Variants in UTRN observed in about 807,000 individuals in gnomAD.
UTRN encodes the protein dystrophin-related protein 1.
In UTRN, 283 loss-of-function variants were observed where a neutral mutation model predicts 463.9. The observed-to-expected ratio is 0.61, with a 90% CI of 0.55 to 0.67. The LOEUF (loss-of-function observed/expected upper bound fraction) is 0.67, where lower values mean the gene tolerates loss of function less well. Ranked by LOEUF, UTRN falls within the 30% of genes least tolerant of loss-of-function variation. The probability of loss-of-function intolerance (pLI) is 0.00; values close to 1 mark genes in which losing one functional copy is unlikely to be tolerated. For missense variants in UTRN, 3,922 were observed against 4,084.3 expected, an observed-to-expected ratio of 0.96 and a Z score of 1.08; for synonymous variants, 1,442 against 1,431.5, an observed-to-expected ratio of 1.01 and a Z score of -0.17.
Position 144,406,341 on chromosome 6 carries a change from C to CT in UTRN, c.141+3166dup, listed in dbSNP as rs1169682128. On this transcript the variant is annotated intron_variant, in intron 3 of 74. Transcript: ENST00000367545. ...GCTCCACCTTCTCCATCTCCCTTTC[C>CT]TTTTTTTTTCTTTTCTTTTTTTTTT... Among the ~76,000 whole-genome samples the CT allele has an allele frequency of 9.8e-5, 13 of 132,106 alleles. No homozygotes were observed. The South Asian group carries it at 1.0e-3, about 11-fold the overall frequency. The allele number at this position is 132,106 out of a possible 152,430, so 86.7% of individuals were successfully genotyped here. A position where few individuals can be genotyped will look rare whatever the true frequency, so the allele number is the denominator to read the frequency against.
chr6:144,831,269 TAGAG>T (rs1435751970), intron 69 of UTRN, among the ~76,000 whole-genome samples: 2 of 152,074 alleles, frequency 1.3e-5, no homozygotes, highest in African/African-American at 2.4e-5. Flanking sequence ...GACCTTGAAA[TAGAG>T]AGATTATCCT....
chr6:144,369,715 G>T (rs1390512694), intron 2 of UTRN, among the ~76,000 whole-genome samples: 1 of 152,226 alleles, frequency 6.6e-6, no homozygotes, highest in Non-Finnish European at 1.5e-5. Flanking sequence ...ATCTTGAATT[G>T]TATCTCCCAT....
chr6:144,625,439 T>C (rs1269489010), intron 51 of UTRN, among the ~76,000 whole-genome samples: 2 of 152,228 alleles, frequency 1.3e-5, no homozygotes, highest in Non-Finnish European at 2.9e-5. Context: ...GCATATTTGA[T>C]TCCTTAACTT....
Position 144,523,138 on chromosome 6 carries a change from G to C in UTRN, c.5856G>C (p.Gln1952His), listed in dbSNP as rs768278380. The C allele has an allele frequency of 1.3e-5, 21 of 1,612,768 alleles. No individual in the cohort carries two copies. Among genetic ancestry groups the C allele is most frequent in the Middle Eastern group, 1.6e-4 (1 of 6,062 alleles). The change falls in exon 41 of 75, where the codon CAG (glutamine) becomes CAC (histidine). Residue 1952 changes from glutamine (Q) to histidine (H), a missense_variant. Coordinates refer to ENST00000367545, the MANE Select transcript of UTRN (RefSeq NM_007124.3). ...TTCAGATCAGAGATACACTTACTCA[G>C]CTGAATGCAAAATGGGACAGAATTA... The part of the protein sequence containing the change: ...EAIQIRDTLT[Q>H]LNAKWDRINR...
At chr6:144,468,996 G>A (rs1006763701) in intron 23 of UTRN, among the ~76,000 whole-genome samples, 2 of 152,126 alleles carry the variant, frequency 1.3e-5, no homozygotes, top group African/African-American at 2.4e-5. Flanking sequence ...CTTCCCGCGC[G>A]GTGTGCCACG....
At chr6:144,637,195 C>G (rs897297913) in intron 51 of UTRN, among the ~76,000 whole-genome samples, 1 of 152,130 alleles carries the variant, frequency 6.6e-6, no homozygotes, top group Non-Finnish European at 1.5e-5. Context: ...CTCCCAAACT[C>G]CTGAGCTCAA....
chr6:144,407,266 A>G (rs755626023), intron 3 of UTRN, among the ~76,000 whole-genome samples: 1 of 152,196 alleles, frequency 6.6e-6, no homozygotes, highest in Non-Finnish European at 1.5e-5. Flanking sequence ...GGCTTAATAA[A>G]TAAATGAATG....
chr6:144,696,654 A>G (rs1784034647), intron 52 of UTRN, among the ~76,000 whole-genome samples: 1 of 152,132 alleles, frequency 6.6e-6, no homozygotes, highest in Non-Finnish European at 1.5e-5. Context: ...TGGAGATTTT[A>G]CCATAAACCA....
At chr6:144,343,411 AT>A (rs1777305406) in intron 2 of UTRN, among the ~76,000 whole-genome samples, 1 of 126,112 alleles carries the variant, frequency 7.9e-6, no homozygotes, top group East Asian at 2.2e-4. Flanking sequence ...CACACACACA[AT>A]AGCCGGGCAT....
In UTRN at chr6:144,531,140, C is replaced by A; in HGVS notation, c.5995C>A (p.Leu1999Met). 6.2e-7 allele frequency: 1 copy of A among 1,613,988 alleles called. No homozygotes were observed. Among genetic ancestry groups the A allele is most frequent in the Non-Finnish European group, 8.5e-7 (1 of 1,179,968 alleles). Reference protein sequence around the residue: ...TQWITEAEELLVDTCAPGGSL... With the variant: ...TQWITEAEELMVDTCAPGGSL... ...GTGGATAACAGAGGCTGAAGAATTA[C>A]TGGTTGATACCTGTGCTCCAGGTGG... is the stretch of plus-strand genomic sequence containing the variant. The change falls in exon 42 of 75, where the codon CTG becomes ATG. Residue 1999 changes from leucine (L) to methionine (M), a missense_variant. Leu to Met is a conservative substitution (Grantham distance 15, BLOSUM62 2). Transcript: ENST00000367545.
intron 51 of UTRN, among the ~76,000 whole-genome samples, chr6:144,635,191 C>T (rs2128657391): frequency 6.8e-6 from 1 of 147,650 alleles, no homozygotes; most frequent in South Asian, 2.1e-4. Flanking sequence ...ACTGTGTCAC[C>T]CAGGCTAGAG....
At chr6:144,307,907 G>T (rs1164352403) in intron 2 of UTRN, among the ~76,000 whole-genome samples, 2 of 151,642 alleles carry the variant, frequency 1.3e-5, no homozygotes, top group Non-Finnish European at 2.9e-5. Context: ...GACATCAAAA[G>T]AAATTTCTTT....
At chr6:144,328,084 C>G (rs2114599283) in intron 2 of UTRN, among the ~76,000 whole-genome samples, 1 of 152,156 alleles carries the variant, frequency 6.6e-6, no homozygotes, top group East Asian at 1.9e-4. Flanking sequence ...CGCAACCCCA[C>G]CTGTCTACTA....
intron 2 of UTRN, among the ~76,000 whole-genome samples, chr6:144,319,143 GTT>G (rs112079177): frequency 6.8e-6 from 1 of 148,104 alleles, no homozygotes; most frequent in African/African-American, 2.5e-5. Context: ...ATTTAGTTAG[GTT>G]TTTTTTTTTC....
chr6:144,773,455 G>A (rs1194976547), intron 59 of UTRN, among the ~76,000 whole-genome samples: 3 of 152,122 alleles, frequency 2.0e-5, no homozygotes, highest in Admixed American at 6.5e-5. Context: ...CCTACCAAAG[G>A]GCTGAAAGGG....
chr6:144,744,748 T>G (rs1299374882), intron 54 of UTRN, among the ~76,000 whole-genome samples: 1 of 152,112 alleles, frequency 6.6e-6, no homozygotes, highest in East Asian at 1.9e-4. Context: ...TTCCTCTGTC[T>G]CTAGCATTAG....
At chr6:144,776,916 C>T (rs866842717) in intron 60 of UTRN, among the ~76,000 whole-genome samples, 2 of 152,128 alleles carry the variant, frequency 1.3e-5, no homozygotes, top group African/African-American at 4.8e-5. Flanking sequence ...TCAATGTTGT[C>T]GATCACCTCT....
chr6:144,596,898 G>A (rs996339217), intron 51 of UTRN, among the ~76,000 whole-genome samples: 3 of 152,096 alleles, frequency 2.0e-5, no homozygotes, highest in Admixed American at 6.6e-5. Context: ...TTTTGTTTTT[G>A]GATTCTTCAT....
chr6:144,428,745 A>G (rs1785525781), intron 7 of UTRN, 33 bp from the exon 8 acceptor site: 1 of 1,260,732 alleles, frequency 7.9e-7, no homozygotes, highest in Admixed American at 2.2e-5. Context: ...CACATATTTC[A>G]TCTTCATTGC....
Sources: allele counts gnomAD v4.1 joint callset (sites outside exome capture counted in the v4.1 genomes callset), GRCh38; gene constraint gnomAD v4.1.1; transcripts MANE v1.5; gene names NCBI Gene and HGNC (gene_info 2026-07-23, HGNC 2026-07-21).